Variants in NKD1 observed in about 807,000 individuals in gnomAD.
The protein encoded by NKD1 is protein naked cuticle homolog 1.
NKD1 carries 21 observed loss-of-function variants against 56.0 expected under a neutral mutation model. That is an observed-to-expected ratio of 0.38 (90% CI 0.27 to 0.54). The LOEUF (loss-of-function observed/expected upper bound fraction) is 0.54, where lower values mean the gene tolerates loss of function less well. Among genes scored for constraint, NKD1 ranks in the 20% least tolerant of loss-of-function variants. NKD1 has a pLI of 0.82. For missense variants in NKD1, 578 were observed against 642.7 expected (o/e 0.90, Z 1.09); for synonymous variants, 263 against 265.7 (o/e 0.99, Z 0.10).
chr16:50,616,300 T>C (rs1961959383), intron 4 of NKD1, among the ~76,000 whole-genome samples: 1 of 152,234 alleles, frequency 6.6e-6, no homozygotes, highest in Non-Finnish European at 1.5e-5. Flanking sequence ...TTCTGGTCTT[T>C]AGTGGGGCTG....
intron 5 of NKD1, among the ~76,000 whole-genome samples, chr16:50,622,678 T>C (rs1962118932): frequency 6.6e-6 from 1 of 152,200 alleles, no homozygotes; most frequent in African/African-American, 2.4e-5. Context: ...CATTGGGCTG[T>C]TGTCAGCAGC....
At chr16:50,619,780 A>G (rs112817765) in intron 4 of NKD1, among the ~76,000 whole-genome samples, 3 of 152,278 alleles carry the variant, frequency 2.0e-5, no homozygotes, top group African/African-American at 7.2e-5. Context: ...ACATCTAGAG[A>G]AGGTATGTGA....
chr16:50,580,700 C>G (rs941553634), intron 3 of NKD1, among the ~76,000 whole-genome samples: 1 of 152,180 alleles, frequency 6.6e-6, no homozygotes, highest in African/African-American at 2.4e-5. Context: ...ACTCAGAACT[C>G]CAGATTTCTG....
chr16:50,633,442 G>A lies in NKD1; in HGVS notation c.1074G>A (p.Val358=), dbSNP rs1362436909. The change falls in exon 10 of 10, where the codon GTG becomes GTA. Residue 358 remains valine (V), a synonymous_variant. Coordinates refer to ENST00000268459, the MANE Select transcript of NKD1 (RefSeq NM_033119.5). The surrounding 1 kb of genome is among the most constrained non-coding windows in gnomAD (Gnocchi z 4.9). ...SPKAQGKSVG[V]GHVARGARNK... Reference sequence around the variant, plus strand: ...AGGCCCAGGGCAAGAGTGTGGGTGTGGGCCACGTGGCCAGAGGGGCAAGAA... The same window carrying A: ...AGGCCCAGGGCAAGAGTGTGGGTGTAGGCCACGTGGCCAGAGGGGCAAGAA... The A allele has an allele frequency of 6.2e-7, 1 of 1,610,520 alleles. No homozygotes were observed. The highest frequency in any genetic ancestry group is 1.3e-5 in the African/African-American group (1 of 74,878).
chr16:50,626,790 G>A (rs778502008), intron 6 of NKD1, among the ~76,000 whole-genome samples: 16 of 152,172 alleles, frequency 1.1e-4, no homozygotes, highest in African/African-American at 1.9e-4. Flanking sequence ...CTTCAGGCAC[G>A]AGACCTGTTA....
At chr16:50,581,401 C>G (rs1961112812) in intron 3 of NKD1, among the ~76,000 whole-genome samples, 1 of 152,220 alleles carries the variant, frequency 6.6e-6, no homozygotes, top group African/African-American at 2.4e-5. Flanking sequence ...CCAAGCTTCT[C>G]TGGCCAGGGA....
intron 4 of NKD1, among the ~76,000 whole-genome samples, chr16:50,617,261 T>G (rs1479191240): frequency 6.6e-6 from 1 of 152,130 alleles, no homozygotes; most frequent in African/African-American, 2.4e-5. Context: ...TCCTCACTCT[T>G]CTTCTTTCGC....
intron 4 of NKD1, among the ~76,000 whole-genome samples, chr16:50,610,961 A>AC (rs1961833280): frequency 1.3e-5 from 2 of 151,666 alleles, no homozygotes; most frequent in South Asian, 4.2e-4. Flanking sequence ...GGGGAGAGGG[A>AC]CCCCTCCTCA....
At chr16:50,574,184 C>T in intron 3 of NKD1, 2 of 982,416 alleles carry the variant, frequency 2.0e-6, no homozygotes, top group South Asian at 4.7e-5. Context: ...GTTCATTCTA[C>T]CTCACCACTA....
At position 50,632,404 on chromosome 16, in the gene NKD1, G is replaced by T. The variant is rs1302277414; in HGVS notation, c.819G>T (p.Gly273=). ...TAGAAAACTACACGTCCCAATTTGG[G>T]CCTGGTAAGGGACTCAAGCACCCTG... The part of the protein sequence containing the change: ...AGIENYTSQF[G]PGSPSVAQKS... The change falls in exon 9 of 10, where the codon GGG becomes GGT. Residue 273 remains glycine, a synonymous_variant. Transcript: ENST00000268459. This position sits in a 1 kb window ranked among gnomAD's most constrained non-coding sequence, Gnocchi z 4.1. 3.1e-6 allele frequency: 5 copies of T among 1,614,122 alleles called. No individual in the cohort carries two copies. The highest frequency in any genetic ancestry group is 4.2e-6 in the Non-Finnish European group (5 of 1,179,994).
intron 3 of NKD1, among the ~76,000 whole-genome samples, chr16:50,578,928 A>C (rs1245844139): frequency 2.0e-5 from 3 of 152,178 alleles, no homozygotes; most frequent in African/African-American, 7.2e-5. Flanking sequence ...TATTTAAATA[A>C]AGCCTCAGCC....
rs1962456797 is a variant in NKD1 at position 50,635,960 on chromosome 16, C to T, written c.*2179C>T. On this transcript the variant is annotated 3_prime_UTR_variant, in exon 10 of 10. Transcript: ENST00000268459. This position sits in a 1 kb window ranked among gnomAD's most constrained non-coding sequence, Gnocchi z 4.1. ...ACTGGTTCTTGTCCCTCCCTCTTGT[C>T]CCTCGGATTGATAACTTGTACTCAA... 1.3e-5 allele frequency: 2 copies of T among 152,222 alleles called. No homozygotes were observed. Among genetic ancestry groups the T allele is most frequent in the African/African-American group, 4.8e-5 (2 of 41,446 alleles). The allele number at this position is 152,222 out of a possible 1,614,324, so 9.4% of individuals were successfully genotyped here.
chr16:50,569,268 A>G (rs983661599), intron 3 of NKD1, among the ~76,000 whole-genome samples: 8 of 152,194 alleles, frequency 5.3e-5, no homozygotes, highest in African/African-American at 1.9e-4. Flanking sequence ...ACAGCGTTTT[A>G]GCGCCCAGAA....
chr16:50,573,869 C>A, intron 3 of NKD1: 24 of 985,162 alleles, frequency 2.4e-5, no homozygotes, highest in Non-Finnish European at 2.9e-5. Flanking sequence ...GGAGCAGGGG[C>A]GGGGGTGAGG....
intron 3 of NKD1, chr16:50,574,899 T>C (rs999888866): frequency 1.4e-5 from 14 of 985,356 alleles, no homozygotes; most frequent in Admixed American, 1.2e-4. Context: ...CTTCCTCTCC[T>C]TGGAATTTAT....
chr16:50,616,232 A>C (rs1220909306), intron 4 of NKD1: 1 of 347,858 alleles, frequency 2.9e-6, no homozygotes, highest in Non-Finnish European at 6.0e-6. Context: ...ACTGAGAAGA[A>C]CTTGCCAGGT....
chr16:50,603,925 GC>G (rs1207751915), intron 3 of NKD1, among the ~76,000 whole-genome samples: 1 of 152,224 alleles, frequency 6.6e-6, no homozygotes, highest in Non-Finnish European at 1.5e-5. Flanking sequence ...GCACATCTGG[GC>G]ATGTGGCCTG....
At chr16:50,596,172 G>T (rs1030596512) in intron 3 of NKD1, among the ~76,000 whole-genome samples, 9 of 152,200 alleles carry the variant, frequency 5.9e-5, no homozygotes, top group Non-Finnish European at 1.3e-4. Context: ...GGTGCACTGT[G>T]TGGCTGTGGA....
intron 5 of NKD1, among the ~76,000 whole-genome samples, chr16:50,622,133 C>T (rs922354669): frequency 1.3e-5 from 2 of 152,224 alleles, no homozygotes; most frequent in African/African-American, 4.8e-5. Flanking sequence ...CGGGCAGGAC[C>T]CTGACGCTCT....
Sources: gnomAD v4.1 joint callset for allele counts (sites outside exome capture counted in the v4.1 genomes callset) on GRCh38, gnomAD v4.1.1 for gene constraint, Gnocchi (gnomAD v3.1) non-coding constraint, MANE v1.5 for transcripts, NCBI Gene and HGNC (gene_info 2026-07-23, HGNC 2026-07-21) for gene names.